Variants in ANO4 observed in about 807,000 individuals in gnomAD.
ANO4 encodes anoctamin-4.
In ANO4, 69 loss-of-function variants were observed where a neutral mutation model predicts 141.9. The ratio of observed to expected loss-of-function variants is 0.49; its 90% CI spans 0.40 to 0.59. The LOEUF (loss-of-function observed/expected upper bound fraction) is 0.59. Ranked by LOEUF, ANO4 falls within the 20% of genes least tolerant of loss-of-function variation. The probability of loss-of-function intolerance (pLI) is 0.00; values close to 1 mark genes in which losing one functional copy is unlikely to be tolerated. For missense variants in ANO4, 894 were observed against 1,162.2 expected, an observed-to-expected ratio of 0.77 and a Z score of 3.36; for synonymous variants, 350 against 394.3, an observed-to-expected ratio of 0.89 and a Z score of 1.33.
intron 14 of ANO4, among the ~76,000 whole-genome samples, chr12:101,060,288 T>A (rs2048295247): frequency 6.6e-6 from 1 of 152,174 alleles, no homozygotes; most frequent in Non-Finnish European, 1.5e-5. Flanking sequence ...CTGAGGAGTG[T>A]TTTACTTCCA....
At chr12:100,818,275 A>G (rs2035845224) in intron 1 of ANO4, among the ~76,000 whole-genome samples, 2 of 151,950 alleles carry the variant, frequency 1.3e-5, no homozygotes, top group Admixed American at 1.3e-4. Context: ...GTGAAGGGAA[A>G]TGGACCATTG....
chr12:100,765,910 T>G (rs894862667), intron 3 of ANO4, among the ~76,000 whole-genome samples: 5 of 152,012 alleles, frequency 3.3e-5, no homozygotes, highest in Non-Finnish European at 5.9e-5. Flanking sequence ...TTTAGCAGTT[T>G]TGAAATATAC....
chr12:100,752,144 C>G (rs1425781349), intron 3 of ANO4, among the ~76,000 whole-genome samples: 1 of 152,132 alleles, frequency 6.6e-6, no homozygotes, highest in Non-Finnish European at 1.5e-5. Context: ...ATTAATTATT[C>G]TAGCCCATGG....
chr12:101,114,972 C>A (rs926124821), intron 24 of ANO4, among the ~76,000 whole-genome samples: 2 of 151,958 alleles, frequency 1.3e-5, no homozygotes, highest in African/African-American at 4.8e-5. Flanking sequence ...CATGATAAAG[C>A]CAGTGATTTG....
chr12:101,105,123 T>C (rs1045107940), intron 22 of ANO4, among the ~76,000 whole-genome samples: 6 of 152,120 alleles, frequency 3.9e-5, no homozygotes, highest in Non-Finnish European at 8.8e-5. Context: ...CTCTCAGAGC[T>C]AAGGAGATAG....
intron 1 of ANO4, among the ~76,000 whole-genome samples, chr12:100,857,360 G>T (rs1177984494): frequency 1.3e-5 from 2 of 152,070 alleles, no homozygotes. Flanking sequence ...ACAACATTAG[G>T]TGATAATAAT....
At chr12:100,979,401 C>T (rs1277241896) in intron 7 of ANO4, among the ~76,000 whole-genome samples, 2 of 152,108 alleles carry the variant, frequency 1.3e-5, no homozygotes, top group Non-Finnish European at 2.9e-5. Flanking sequence ...GCACTTCCAT[C>T]AAGATCCCAA....
chr12:100,921,700 A>G (rs1175227969), intron 2 of ANO4, among the ~76,000 whole-genome samples: 2 of 152,124 alleles, frequency 1.3e-5, no homozygotes, highest in Non-Finnish European at 2.9e-5. Flanking sequence ...CATAGAATAA[A>G]TTTTCAAATT....
chr12:101,066,459 C>T (rs7965836), intron 14 of ANO4, among the ~76,000 whole-genome samples: 65,795 of 152,012 alleles, frequency 0.43, 14,819 homozygotes, highest in African/African-American at 0.57. Context: ...TTTCTATATG[C>T]CAGCAGTGAA....
At chr12:100,881,112 C>T (rs1486782916) in intron 1 of ANO4, among the ~76,000 whole-genome samples, 1 of 134,546 alleles carries the variant, frequency 7.4e-6, no homozygotes, top group African/African-American at 2.7e-5. Context: ...GGAAGGGGAA[C>T]ATCACACACC....
intron 3 of ANO4, among the ~76,000 whole-genome samples, chr12:100,924,483 G>T (rs1460978045): frequency 6.6e-6 from 1 of 152,066 alleles, no homozygotes; most frequent in African/African-American, 2.4e-5. Context: ...TTGAGGTGAA[G>T]GATCCTGAAA....
At chr12:100,858,129 G>C (rs1424343856) in intron 1 of ANO4, among the ~76,000 whole-genome samples, 6 of 151,770 alleles carry the variant, frequency 4.0e-5, no homozygotes, top group African/African-American at 1.5e-4. Flanking sequence ...CTTAATGATG[G>C]TGATATGTCT....
At chr12:100,953,339 A>G (rs1218847357) in intron 5 of ANO4, among the ~76,000 whole-genome samples, 1 of 152,260 alleles carries the variant, frequency 6.6e-6, no homozygotes, top group Non-Finnish European at 1.5e-5. Context: ...TCCATTTACA[A>G]TCTCCAGCTT....
At chr12:100,854,773 C>G (rs1172541012) in intron 1 of ANO4, among the ~76,000 whole-genome samples, 1 of 152,136 alleles carries the variant, frequency 6.6e-6, no homozygotes, top group Non-Finnish European at 1.5e-5. Context: ...CTATTTTTAT[C>G]TGCTTAATCT....
intron 1 of ANO4, among the ~76,000 whole-genome samples, chr12:100,879,395 G>C (rs1205019715): frequency 6.6e-6 from 1 of 152,140 alleles, no homozygotes; most frequent in Non-Finnish European, 1.5e-5. Context: ...ATTGGCTCCA[G>C]TTTCATTTGG....
At chr12:100,982,757 C>G (rs1201882504) in intron 7 of ANO4, among the ~76,000 whole-genome samples, 1 of 152,158 alleles carries the variant, frequency 6.6e-6, no homozygotes, top group Admixed American at 6.5e-5. Flanking sequence ...CCAGCTGACT[C>G]CAAAGTCCAT....
chr12:100,914,280 T>G (rs1372031619), intron 2 of ANO4, among the ~76,000 whole-genome samples: 3 of 152,346 alleles, frequency 2.0e-5, no homozygotes, highest in Admixed American at 2.0e-4. Context: ...TTATTTCCAT[T>G]TTAGACCTGA....
At chr12:100,989,551 G>GTGGATGGATGGA (rs377197749) in intron 8 of ANO4, among the ~76,000 whole-genome samples, 58 of 144,644 alleles carry the variant, frequency 4.0e-4, no homozygotes, top group Non-Finnish European at 6.2e-4. Context: ...GGGTGGGTGG[G>GTGGATGGATGGA]TGGATGGATG....
intron 25 of ANO4, among the ~76,000 whole-genome samples, chr12:101,117,934 CA>C (rs2137044294): frequency 6.6e-6 from 1 of 152,162 alleles, no homozygotes; most frequent in East Asian, 1.9e-4. Context: ...ACACTCATGC[CA>C]AGTTCCCAGG....
Sources: gnomAD v4.1 joint callset for allele counts (sites outside exome capture counted in the v4.1 genomes callset) on GRCh38, gnomAD v4.1.1 for gene constraint, MANE v1.5 for transcripts, NCBI Gene and HGNC (gene_info 2026-07-23, HGNC 2026-07-21) for gene names.